The following MSI2 variants were observed in gnomAD, a reference collection of about 807,000 sequenced individuals.
The protein encoded by MSI2 is RNA-binding protein Musashi homolog 2.
MSI2 carries 17 observed loss-of-function variants against 45.6 expected under a neutral mutation model. The ratio of observed to expected loss-of-function variants is 0.37; its 90% CI spans 0.26 to 0.56. MSI2 has a LOEUF of 0.56. Among genes scored for constraint, MSI2 ranks in the 20% least tolerant of loss-of-function variants. The pLI is 0.77. For synonymous variants in MSI2, 156 were observed against 158.2 expected (o/e 0.99, Z 0.11); for missense variants, 293 against 444.2 (o/e 0.66, Z 3.06).
At chr17:57,302,338 G>C (rs1296562694) in intron 5 of MSI2, among the ~76,000 whole-genome samples, 2 of 152,146 alleles carry the variant, frequency 1.3e-5, no homozygotes, top group Admixed American at 6.5e-5. Context: ...TCGAATTCCT[G>C]GGCTCAGTAG....
intron 5 of MSI2, among the ~76,000 whole-genome samples, chr17:57,326,058 G>A (rs564479718): frequency 1.3e-5 from 2 of 152,226 alleles, no homozygotes; most frequent in Admixed American, 1.3e-4. Context: ...AGCTTAAACC[G>A]TGCCTTTTTA....
intron 6 of MSI2, among the ~76,000 whole-genome samples, chr17:57,525,479 G>A (rs1158417904): frequency 6.6e-6 from 1 of 152,110 alleles, no homozygotes; most frequent in African/African-American, 2.4e-5. Context: ...GTAGAGATGA[G>A]GTCTTGCTAT....
chr17:57,685,750 T>C (rs1253429709), downstream of MSI2, among the ~76,000 whole-genome samples: 5 of 152,202 alleles, frequency 3.3e-5, no homozygotes, highest in East Asian at 1.9e-4. Context: ...TTACATTGTT[T>C]AGGGGCAGGA....
chr17:57,575,503 G>T (rs2088012796), intron 7 of MSI2, among the ~76,000 whole-genome samples: 1 of 152,194 alleles, frequency 6.6e-6, no homozygotes, highest in South Asian at 2.1e-4. Context: ...AGCTTTTCCA[G>T]ACAAGGCAGA....
At chr17:57,662,131 A>G (rs1912033251) in intron 11 of MSI2, among the ~76,000 whole-genome samples, 1 of 152,018 alleles carries the variant, frequency 6.6e-6, no homozygotes, top group African/African-American at 2.4e-5. Flanking sequence ...CTGGTTGCTT[A>G]TTAATATTAA....
intron 6 of MSI2, among the ~76,000 whole-genome samples, chr17:57,420,054 C>T (rs893326526): frequency 1.1e-4 from 16 of 152,218 alleles, no homozygotes; most frequent in South Asian, 2.1e-4. Flanking sequence ...GATGATCTGA[C>T]GACCTTGTAA....
At chr17:57,387,416 A>T (rs1160859728) in intron 5 of MSI2, among the ~76,000 whole-genome samples, 1 of 152,082 alleles carries the variant, frequency 6.6e-6, no homozygotes, top group Non-Finnish European at 1.5e-5. Flanking sequence ...GAGAGCATGG[A>T]TGTATTAGGA....
At chr17:57,270,823 C>T (rs754926767) in intron 5 of MSI2, among the ~76,000 whole-genome samples, 16 of 152,104 alleles carry the variant, frequency 1.1e-4, no homozygotes, top group Non-Finnish European at 1.8e-4. Context: ...CCGAGCAGCT[C>T]GTGGGTTGAT....
At chr17:57,522,157 C>G (rs572761829) in intron 6 of MSI2, 6 of 152,398 alleles carry the variant, frequency 3.9e-5, no homozygotes, top group African/African-American at 1.4e-4. Flanking sequence ...GTCCTGCCAC[C>G]TCAGCCGAGT....
chr17:57,399,685 G>A (rs2083953472), intron 5 of MSI2, among the ~76,000 whole-genome samples: 1 of 152,236 alleles, frequency 6.6e-6, no homozygotes, highest in South Asian at 2.1e-4. Context: ...GCTCCCTGGA[G>A]TCTGCAAGCC....
intron 6 of MSI2, among the ~76,000 whole-genome samples, chr17:57,501,529 C>A (rs2086106950): frequency 6.6e-6 from 1 of 152,222 alleles, no homozygotes; most frequent in African/African-American, 2.4e-5. Context: ...CCAGGCTGCC[C>A]CCACCCCATC....
At chr17:57,275,913 T>C (rs1037771683) in intron 5 of MSI2, among the ~76,000 whole-genome samples, 1 of 152,222 alleles carries the variant, frequency 6.6e-6, no homozygotes, top group Non-Finnish European at 1.5e-5. Flanking sequence ...GTGGAGGGTC[T>C]TCAGGACCCC....
chr17:57,328,687 G>T (rs1598126411), intron 5 of MSI2, among the ~76,000 whole-genome samples: 1 of 151,738 alleles, frequency 6.6e-6, no homozygotes, highest in African/African-American at 2.4e-5. Flanking sequence ...CAGCTGTGTG[G>T]CTCAGCTTTG....
chr17:57,288,476 A>G (rs1332618567), intron 5 of MSI2, among the ~76,000 whole-genome samples: 1 of 152,096 alleles, frequency 6.6e-6, no homozygotes, highest in Non-Finnish European at 1.5e-5. Context: ...TGTTTGCTAA[A>G]CTGAGAGTTA....
intron 7 of MSI2, among the ~76,000 whole-genome samples, chr17:57,550,367 T>G (rs1298339146): frequency 2.0e-5 from 3 of 152,188 alleles, no homozygotes; most frequent in Non-Finnish European, 4.4e-5. Flanking sequence ...CTTGTTCTTC[T>G]CCTTTGTTAA....
intron 7 of MSI2, among the ~76,000 whole-genome samples, chr17:57,563,659 C>T (rs1224331264): frequency 6.6e-6 from 1 of 151,990 alleles, no homozygotes; most frequent in Non-Finnish European, 1.5e-5. Flanking sequence ...TTAACATACC[C>T]ATAATGGCCC....
rs146716577 is a variant in MSI2 at position 57,317,468 on chromosome 17, T to C, written c.312+55276T>C. 4.0e-3 allele frequency among the ~76,000 whole-genome samples: 594 copies of C among 150,352 alleles called. 4 individuals are homozygous for C. Among genetic ancestry groups the C allele is most frequent in the African/African-American group, 0.013 (529 of 41,018 alleles). The stretch of plus-strand genomic sequence containing the variant: ...TAGCATTATTAGCATAATTTAGTAA[T>C]AACCACCCATTACACTCTATCCCAT... On this transcript the variant is annotated intron_variant, in intron 5 of 13. Transcript: ENST00000284073.
At chr17:57,438,553 T>C (rs1281619875) in intron 6 of MSI2, among the ~76,000 whole-genome samples, 1 of 152,152 alleles carries the variant, frequency 6.6e-6, no homozygotes, top group African/African-American at 2.4e-5. Context: ...GGAAAATCAA[T>C]TTAATTTCTG....
chr17:57,265,650 C>T (rs1271589594), intron 5 of MSI2: 2 of 152,248 alleles, frequency 1.3e-5, no homozygotes, highest in Non-Finnish European at 1.5e-5. Flanking sequence ...GGAGACGCTT[C>T]GGAGACTAGA....
Sources: allele counts gnomAD v4.1 joint callset (sites outside exome capture counted in the v4.1 genomes callset), GRCh38; gene constraint gnomAD v4.1.1; transcripts MANE v1.5; gene names NCBI Gene and HGNC (gene_info 2026-07-23, HGNC 2026-07-21).